BABAM2: variants seen among roughly 807,000 people sequenced by gnomAD.
The protein encoded by BABAM2 is BRISC and BRCA1-A complex member 2.
In BABAM2, 31 loss-of-function variants were observed where a neutral mutation model predicts 54.7. The ratio of observed to expected loss-of-function variants is 0.57; its 90% CI spans 0.43 to 0.77. BABAM2 has a LOEUF of 0.77. Ranked by LOEUF, BABAM2 falls within the 30% of genes least tolerant of loss-of-function variation. The pLI is 0.00. For missense variants in BABAM2, 364 were observed against 455.8 expected (o/e 0.80, Z 1.83); for synonymous variants, 167 against 162.9 (o/e 1.03, Z -0.19).
chr2:28,164,540 A>AG (rs1474197434), intron 7 of BABAM2, among the ~76,000 whole-genome samples: 1 of 152,020 alleles, frequency 6.6e-6, no homozygotes, highest in Non-Finnish European at 1.5e-5. Context: ...TGCATTAAAA[A>AG]AAAAACTAAA....
chr2:28,168,463 T>A (rs540127572), intron 7 of BABAM2, among the ~76,000 whole-genome samples: 12 of 152,274 alleles, frequency 7.9e-5, no homozygotes, highest in South Asian at 6.2e-4. Flanking sequence ...GCTTGCCCGA[T>A]CTGCTTTGTA....
intron 6 of BABAM2, among the ~76,000 whole-genome samples, chr2:28,055,268 G>T (rs1420781423): frequency 6.6e-6 from 1 of 152,178 alleles, no homozygotes; most frequent in Non-Finnish European, 1.5e-5. Flanking sequence ...ACCCTAGGGT[G>T]GAGGGTGAGA....
At chr2:28,155,115 C>T (rs571928205) in intron 7 of BABAM2, among the ~76,000 whole-genome samples, 11 of 152,080 alleles carry the variant, frequency 7.2e-5, no homozygotes, top group South Asian at 2.1e-4. Flanking sequence ...TCTTGAAGGT[C>T]GGCACCTCAG....
chr2:28,056,637 G>T (rs1488910350), intron 6 of BABAM2, among the ~76,000 whole-genome samples: 1 of 152,100 alleles, frequency 6.6e-6, no homozygotes, highest in Non-Finnish European at 1.5e-5. Context: ...TTAGTAACAT[G>T]AATTAGTTCG....
intron 3 of BABAM2, among the ~76,000 whole-genome samples, chr2:27,960,281 C>G (rs1458748141): frequency 6.6e-6 from 1 of 152,138 alleles, no homozygotes; most frequent in East Asian, 1.9e-4. Flanking sequence ...GAGTTTTGCA[C>G]AGACTTCCAA....
At chr2:28,026,833 A>AATATAT (rs1161229574) in intron 5 of BABAM2, among the ~76,000 whole-genome samples, 4 of 38,192 alleles carry the variant, frequency 1.0e-4, no homozygotes, top group East Asian at 6.8e-4. Flanking sequence ...TATATATATA[A>AATATAT]ATATATATAA....
upstream of BABAM2, chr2:27,890,419 C>G: frequency 7.0e-7 from 1 of 1,422,184 alleles, no homozygotes; most frequent in Non-Finnish European, 9.6e-7. The surrounding 1 kb of genome is among the most constrained non-coding windows in gnomAD (Gnocchi z 4.8). Context: ...AGAGACGCCA[C>G]TCCTGCCCTC....
intron 7 of BABAM2, among the ~76,000 whole-genome samples, chr2:28,167,750 T>C (rs143170671): frequency 3.7e-4 from 57 of 152,026 alleles, no homozygotes; most frequent in African/African-American, 1.3e-3. Context: ...CGCAGTTTGC[T>C]AAGTCTGTTT....
chr2:28,281,954 A>G (rs768241053), intron 10 of BABAM2, among the ~76,000 whole-genome samples: 1 of 152,228 alleles, frequency 6.6e-6, no homozygotes, highest in Non-Finnish European at 1.5e-5. Context: ...GAAGGCTTCA[A>G]AGGTTACTGA....
intron 7 of BABAM2, among the ~76,000 whole-genome samples, chr2:28,169,761 G>A (rs1222695129): frequency 1.4e-5 from 2 of 141,536 alleles, no homozygotes; most frequent in African/African-American, 2.6e-5. Flanking sequence ...GGGCAACAAA[G>A]CAAGACTCTG....
At chr2:28,323,373 C>T (rs1050785722) in intron 11 of BABAM2, among the ~76,000 whole-genome samples, 14 of 152,208 alleles carry the variant, frequency 9.2e-5, no homozygotes, top group Admixed American at 4.6e-4. Flanking sequence ...AAGGCTCTTG[C>T]CTCTTAACCC....
chr2:28,177,912 A>G (rs1675184782), intron 7 of BABAM2, among the ~76,000 whole-genome samples: 1 of 152,132 alleles, frequency 6.6e-6, no homozygotes, highest in Non-Finnish European at 1.5e-5. Flanking sequence ...AGGTCATTAT[A>G]TAATAATAAA....
intron 8 of BABAM2, 114 bp downstream of exon 8, chr2:28,237,415 C>T (rs1682013734): frequency 2.3e-6 from 2 of 877,586 alleles, no homozygotes; most frequent in East Asian, 2.5e-5. Flanking sequence ...TCAGTTTCAG[C>T]CTCCATCTGA....
chr2:28,262,059 A>G (rs1017809443), intron 10 of BABAM2, among the ~76,000 whole-genome samples: 10 of 152,214 alleles, frequency 6.6e-5, no homozygotes, highest in African/African-American at 2.2e-4. Flanking sequence ...GTGAAGCGTC[A>G]CCCAACACAG....
At chr2:28,062,959 T>C (rs1679025012) in intron 6 of BABAM2, among the ~76,000 whole-genome samples, 1 of 152,228 alleles carries the variant, frequency 6.6e-6, no homozygotes, top group Admixed American at 6.5e-5. Flanking sequence ...GGATGTATGT[T>C]GTTTTGTCTG....
upstream of BABAM2, chr2:27,890,198 T>G (rs1474382115): frequency 1.9e-6 from 3 of 1,538,702 alleles, no homozygotes; most frequent in African/African-American, 1.4e-5. The surrounding 1 kb of genome is among the most constrained non-coding windows in gnomAD (Gnocchi z 4.8). Flanking sequence ...ACTGGGCGCA[T>G]AGCGCACGGC....
chr2:28,168,998 G>A (rs1188311854), intron 7 of BABAM2, among the ~76,000 whole-genome samples: 2 of 152,198 alleles, frequency 1.3e-5, no homozygotes, highest in Non-Finnish European at 2.9e-5. Context: ...TCAGCAAGCT[G>A]ATGAAAGACT....
At chr2:28,112,227 C>A (rs1410580886) in intron 6 of BABAM2, among the ~76,000 whole-genome samples, 6 of 123,822 alleles carry the variant, frequency 4.8e-5, no homozygotes, top group Non-Finnish European at 8.4e-5. Flanking sequence ...TCCTTCCTTC[C>A]TTTAAGTTCT....
intron 6 of BABAM2, among the ~76,000 whole-genome samples, chr2:28,096,206 GA>G (rs1359737681): frequency 6.6e-6 from 1 of 152,088 alleles, no homozygotes; most frequent in Non-Finnish European, 1.5e-5. Flanking sequence ...GGCCTAACAG[GA>G]AAGTCTTCAG....
Sources: gnomAD v4.1 joint callset for allele counts (sites outside exome capture counted in the v4.1 genomes callset) on GRCh38, gnomAD v4.1.1 for gene constraint, Gnocchi (gnomAD v3.1) non-coding constraint, MANE v1.5 for transcripts, NCBI Gene and HGNC (gene_info 2026-07-23, HGNC 2026-07-21) for gene names.